TRAPPC9: variants seen among roughly 807,000 people sequenced by gnomAD.
TRAPPC9 encodes the protein trafficking protein particle complex subunit 9.
A neutral mutation model predicts 124.0 loss-of-function variants in TRAPPC9; 83 were observed. The ratio of observed to expected loss-of-function variants is 0.67; its 90% CI spans 0.56 to 0.80. TRAPPC9 has a LOEUF of 0.80. TRAPPC9 is among the 30% of genes least tolerant of loss of function. TRAPPC9 has a pLI of 0.00. For synonymous variants in TRAPPC9, 638 were observed against 617.5 expected (o/e 1.03, Z -0.49); for missense variants, 1,302 against 1,508.3 (o/e 0.86, Z 2.27).
intron 21 of TRAPPC9, among the ~76,000 whole-genome samples, chr8:139,877,559 C>T (rs928331421): frequency 6.6e-6 from 1 of 152,164 alleles, no homozygotes; most frequent in Non-Finnish European, 1.5e-5. Flanking sequence ...CCCTCTGCCT[C>T]CTGCCTTGCC....
At chr8:139,966,715 G>A (rs1017796531) in intron 19 of TRAPPC9, among the ~76,000 whole-genome samples, 1 of 152,182 alleles carries the variant, frequency 6.6e-6, no homozygotes, top group Non-Finnish European at 1.5e-5. Flanking sequence ...ATAGGGGGTT[G>A]AGTCTAATAA....
rs115072296 is a variant in TRAPPC9 at position 140,247,442 on chromosome 8, A to C, written c.2431+5335T>G. Among the ~76,000 whole-genome samples the C allele has an allele frequency of 1.9e-3, 292 of 152,330 alleles. 2 individuals carry two copies. Among genetic ancestry groups the C allele is most frequent in the African/African-American group, 6.8e-3 (284 of 41,576 alleles). On this transcript the variant is annotated intron_variant, in intron 16 of 22. Coordinates refer to ENST00000438773, the MANE Select transcript of TRAPPC9 (RefSeq NM_001160372.4). ...TTCTTTATTTCATAAATCACTTGCT[A>C]TCTGGGTCTAAAAGCCCAAAAGACT...
At chr8:140,165,200 G>A (rs1368107108) in intron 17 of TRAPPC9, among the ~76,000 whole-genome samples, 1 of 152,052 alleles carries the variant, frequency 6.6e-6, no homozygotes, top group Non-Finnish European at 1.5e-5. Context: ...AATTAGCCAG[G>A]CGTGGTGGCG....
At chr8:140,208,826 G>A (rs1300307887) in intron 17 of TRAPPC9, among the ~76,000 whole-genome samples, 1 of 152,188 alleles carries the variant, frequency 6.6e-6, no homozygotes, top group Admixed American at 6.5e-5. Flanking sequence ...CTGCTTAGAA[G>A]CAGATTTTTT....
chr8:140,212,898 G>GTGAAACCCCA (rs149300125), intron 17 of TRAPPC9, among the ~76,000 whole-genome samples: 6 of 19,248 alleles, frequency 3.1e-4, no homozygotes, highest in Admixed American at 8.5e-4. Context: ...GGCCAACATG[G>GTGAAACCCCA]TCTCTACAAA....
chr8:140,451,082 T>C lies in TRAPPC9; in HGVS notation c.292A>G (p.Lys98Glu), dbSNP rs745462282. ...TAGATCTCCTTCTGCACGTGGAACTTCTCAAAGGTCTGTGGCCAGTCCTTG... is the reference window on the plus strand; with the variant it reads ...TAGATCTCCTTCTGCACGTGGAACTCCTCAAAGGTCTGTGGCCAGTCCTTG... ...SAKDWPQTFE[K>E]FHVQKEIYGS... The change falls in exon 2 of 23, where the codon AAG (lysine) becomes GAG (glutamate). Residue 98 changes from lysine to glutamate, a missense_variant. This residue lies in a region of TRAPPC9 where 657 missense variants were observed against 811.2 expected (regional missense o/e 0.81). Coordinates refer to ENST00000438773, the MANE Select transcript of TRAPPC9 (RefSeq NM_001160372.4). 13 of 1,613,866 alleles carry C rather than the reference T, an allele frequency of 8.1e-6. No homozygotes were observed. The highest frequency in any genetic ancestry group is 6.7e-5 in the Admixed American group (4 of 59,980).
At position 140,078,516 on chromosome 8, in the gene TRAPPC9, T is replaced by C. The variant is rs138986729; in HGVS notation, c.2557-54437A>G. Among the ~76,000 whole-genome samples the C allele has an allele frequency of 2.0e-5, 3 of 152,142 alleles. No homozygotes were observed. The South Asian group carries it at 6.2e-4, about 32-fold the overall frequency. On this transcript the variant is annotated intron_variant, in intron 17 of 22. Transcript: ENST00000438773. ...ATGGGACAGAAGGCCAGAGGTGGGA[T>C]GGGGCAGGGATGAATGGATGGAAAA...
chr8:140,430,292 TA>T (rs1201561455), intron 4 of TRAPPC9, among the ~76,000 whole-genome samples: 1 of 152,224 alleles, frequency 6.6e-6, no homozygotes, highest in Non-Finnish European at 1.5e-5. Flanking sequence ...ATGACCTATT[TA>T]AACTGAGGGG....
intron 5 of TRAPPC9, among the ~76,000 whole-genome samples, chr8:140,421,700 A>G (rs948584032): frequency 2.0e-5 from 3 of 152,152 alleles, no homozygotes; most frequent in African/African-American, 7.2e-5. Flanking sequence ...CGTATTCTGG[A>G]AAGGCTTACA....
chr8:140,458,161 AGGGAGATGG>A, upstream of TRAPPC9: 1 of 1,507,120 alleles, frequency 6.6e-7, no homozygotes, highest in Middle Eastern at 2.3e-4. Flanking sequence ...AGGGAGATGG[AGGGAGATGG>A]AGCGAGGAGG....
At chr8:139,836,864 C>A (rs549126857) in intron 21 of TRAPPC9, among the ~76,000 whole-genome samples, 1 of 152,008 alleles carries the variant, frequency 6.6e-6, no homozygotes, top group Admixed American at 6.5e-5. Context: ...CAATGAGATA[C>A]GATGGTACCC....
At chr8:139,779,089 T>C (rs1485197623) in intron 21 of TRAPPC9, among the ~76,000 whole-genome samples, 1 of 151,580 alleles carries the variant, frequency 6.6e-6, no homozygotes, top group Non-Finnish European at 1.5e-5. Context: ...GACAAGAATA[T>C]CAAAATTAGA....
chr8:140,090,404 C>A (rs1026934313), intron 17 of TRAPPC9, among the ~76,000 whole-genome samples: 3 of 152,190 alleles, frequency 2.0e-5, no homozygotes, highest in African/African-American at 7.2e-5. Flanking sequence ...TCTTACGATG[C>A]CCCAGGTTCA....
At chr8:139,970,601 C>T (rs560107691) in intron 19 of TRAPPC9, among the ~76,000 whole-genome samples, 1 of 152,250 alleles carries the variant, frequency 6.6e-6, no homozygotes, top group South Asian at 2.1e-4. Context: ...TTCCCAGGGT[C>T]TCACTCACAA....
chr8:140,117,051 T>C (rs2060901763), intron 17 of TRAPPC9, among the ~76,000 whole-genome samples: 1 of 152,052 alleles, frequency 6.6e-6, no homozygotes, highest in East Asian at 1.9e-4. Flanking sequence ...TCCTCTCACC[T>C]GAAGTTCTAA....
rs551963811 is a variant in TRAPPC9, at chr8:140,349,740, G to A, written c.1495+10310C>T. 4.3e-4 allele frequency among the ~76,000 whole-genome samples: 65 copies of A among 152,286 alleles called. 2 individuals are homozygous for A. Among genetic ancestry groups the A allele is most frequent in the Non-Finnish European group, 1.2e-4 (8 of 68,002 alleles). On this transcript the variant is annotated intron_variant, in intron 9 of 22. Transcript: ENST00000438773. ...ACCAGGCCTGGCGAAGTCAACATCC[G>A]CCCCCTTCCAGCAGTGCCCCTTAAA...
chr8:140,269,396 C>T (rs1187500756), intron 15 of TRAPPC9, among the ~76,000 whole-genome samples: 1 of 151,880 alleles, frequency 6.6e-6, no homozygotes, highest in Non-Finnish European at 1.5e-5. Flanking sequence ...AAAAAATTAG[C>T]TGGGCGTGGT....
chr8:139,805,759 G>A (rs1272174945), intron 21 of TRAPPC9, among the ~76,000 whole-genome samples: 4 of 152,180 alleles, frequency 2.6e-5, no homozygotes, highest in African/African-American at 7.2e-5. Context: ...CAGACCCAGA[G>A]AATGCGGCCT....
chr8:140,009,073 C>T (rs546733976), intron 18 of TRAPPC9, among the ~76,000 whole-genome samples: 2 of 152,296 alleles, frequency 1.3e-5, no homozygotes, highest in African/African-American at 2.4e-5. Flanking sequence ...AAGAGGTCTA[C>T]GGTCCTGTAG....
Sources: gnomAD v4.1 joint callset for allele counts (sites outside exome capture counted in the v4.1 genomes callset) on GRCh38, gnomAD v4.1.1 for gene constraint, gnomAD v4.1.1 regional missense constraint, MANE v1.5 for transcripts, NCBI Gene and HGNC (gene_info 2026-07-23, HGNC 2026-07-21) for gene names.